The following GRIP1 variants were observed in gnomAD, a reference collection of about 807,000 sequenced individuals.
GRIP1 encodes the protein glutamate receptor interacting protein 1, also known as glutamate receptor-interacting protein 1.
Under a neutral mutation model 129.9 loss-of-function variants are expected in GRIP1, and 45 were observed. The observed-to-expected ratio is 0.35, with a 90% CI of 0.27 to 0.44. The LOEUF (loss-of-function observed/expected upper bound fraction) is 0.44. Ranked by LOEUF, GRIP1 falls within the 20% of genes least tolerant of loss-of-function variation. The pLI, the probability that GRIP1 is intolerant of heterozygous loss-of-function variation, is 1.00. For synonymous variants in GRIP1, 530 were observed against 520.8 expected (o/e 1.02, Z -0.24); for missense variants, 1,196 against 1,396.8 (o/e 0.86, Z 2.29).
At chr12:66,492,399 A>AT (rs547774592) in intron 7 of GRIP1, among the ~76,000 whole-genome samples, 14 of 152,158 alleles carry the variant, frequency 9.2e-5, no homozygotes, top group Admixed American at 5.2e-4. Context: ...ATGGGACTAG[A>AT]TTTTTTTTAA....
chr12:66,563,432 G>A (rs2062612259), intron 2 of GRIP1: 1 of 152,118 alleles, frequency 6.6e-6, no homozygotes, highest in Non-Finnish European at 1.5e-5. Flanking sequence ...GAGGAAAAAG[G>A]GAAGCTTTTC....
chr12:66,640,679 T>C (rs2031839451), intron 1 of GRIP1, among the ~76,000 whole-genome samples: 2 of 152,174 alleles, frequency 1.3e-5, no homozygotes, highest in Non-Finnish European at 1.5e-5. Context: ...ATAGCATTAC[T>C]GGGCCATTTT....
At chr12:67,021,961 A>C (rs375415200) in intron 1 of GRIP1, among the ~76,000 whole-genome samples, 6 of 152,274 alleles carry the variant, frequency 3.9e-5, no homozygotes, top group African/African-American at 1.2e-4. Context: ...AGACTCATCC[A>C]TGTTGCTGTG....
intron 1 of GRIP1, among the ~76,000 whole-genome samples, chr12:66,863,264 A>G (rs1158149875): frequency 2.6e-5 from 4 of 152,176 alleles, no homozygotes; most frequent in East Asian, 1.9e-4. Context: ...ATTAAAGCCA[A>G]CTATGTGTAA....
At chr12:67,013,940 G>T (rs1007087706) in intron 1 of GRIP1, among the ~76,000 whole-genome samples, 1 of 152,202 alleles carries the variant, frequency 6.6e-6, no homozygotes, top group Non-Finnish European at 1.5e-5. Context: ...GCAAGCTCAA[G>T]ATTTCTACTA....
intron 16 of GRIP1, among the ~76,000 whole-genome samples, chr12:66,405,318 G>A (rs1357566831): frequency 6.6e-6 from 1 of 152,100 alleles, no homozygotes; most frequent in African/African-American, 2.4e-5. Flanking sequence ...TGGCAAAATT[G>A]TAAATTAAAC....
At chr12:66,518,632 C>G (rs1389757022) in intron 5 of GRIP1, among the ~76,000 whole-genome samples, 2 of 151,984 alleles carry the variant, frequency 1.3e-5, no homozygotes, top group African/African-American at 4.8e-5. Flanking sequence ...AATCCATGAC[C>G]CTTTTGTACA....
intron 1 of GRIP1, among the ~76,000 whole-genome samples, chr12:66,874,574 C>A (rs944743766): frequency 6.6e-6 from 1 of 151,978 alleles, no homozygotes; most frequent in African/African-American, 2.4e-5. Context: ...GGGGAGGCCT[C>A]AGGAAACTTA....
At chr12:66,638,086 T>C (rs1565930955) in intron 1 of GRIP1, among the ~76,000 whole-genome samples, 1 of 152,196 alleles carries the variant, frequency 6.6e-6, no homozygotes, top group East Asian at 1.9e-4. Flanking sequence ...CTATACACAA[T>C]GATCAAGAAC....
At chr12:66,753,179 A>G (rs934474061) in intron 1 of GRIP1, among the ~76,000 whole-genome samples, 2 of 152,196 alleles carry the variant, frequency 1.3e-5, no homozygotes, top group East Asian at 3.8e-4. Flanking sequence ...TTCTCAATGT[A>G]AAATAATCTC....
chr12:66,830,993 T>G (rs916253011), intron 1 of GRIP1, among the ~76,000 whole-genome samples: 1 of 152,044 alleles, frequency 6.6e-6, no homozygotes, highest in Admixed American at 6.5e-5. Context: ...ACTACAAGCA[T>G]GTGCCACTAC....
upstream of GRIP1, among the ~76,000 whole-genome samples, chr12:66,684,123 G>A (rs554579842): frequency 2.6e-5 from 4 of 152,318 alleles, no homozygotes; most frequent in East Asian, 5.8e-4. Flanking sequence ...GCCTAGAACA[G>A]AGAGCAGTAA....
At chr12:67,023,028 T>C (rs2042891091) in intron 1 of GRIP1, among the ~76,000 whole-genome samples, 1 of 152,226 alleles carries the variant, frequency 6.6e-6, no homozygotes, top group Non-Finnish European at 1.5e-5. Flanking sequence ...TTACAGAGTT[T>C]TGAGAGTTCT....
intron 1 of GRIP1, among the ~76,000 whole-genome samples, chr12:66,627,142 A>C (rs1369131085): frequency 1.3e-5 from 2 of 152,128 alleles, no homozygotes; most frequent in Non-Finnish European, 2.9e-5. Flanking sequence ...GCTCACACTC[A>C]CTTTACAAAT....
At position 66,496,490 on chromosome 12, in the gene GRIP1, C is replaced by A. The variant is rs115512939; in HGVS notation, c.724+19129G>T. 5.3e-3 allele frequency among the ~76,000 whole-genome samples: 804 copies of A among 152,248 alleles called. 6 individuals are homozygous for A. Among genetic ancestry groups the A allele is most frequent in the African/African-American group, 0.018 (760 of 41,536 alleles). On this transcript the variant is annotated intron_variant, in intron 7 of 24. Coordinates refer to ENST00000359742, the MANE Select transcript of GRIP1 (RefSeq NM_001366722.1). The stretch of plus-strand genomic sequence containing the variant: ...AGGGCTGAACACAAGGTCATACAGG[C>A]CACTTTGTAGACTGACCCCAGTGCT...
intron 1 of GRIP1, among the ~76,000 whole-genome samples, chr12:67,033,275 A>G (rs1042784456): frequency 1.4e-5 from 2 of 146,016 alleles, no homozygotes; most frequent in Non-Finnish European, 3.0e-5. Context: ...CTACATGTAT[A>G]TATATATATA....
chr12:66,500,462 C>A lies in GRIP1; in HGVS notation c.724+15157G>T, dbSNP rs1400625166. On this transcript the variant is annotated intron_variant, in intron 7 of 24. Transcript: ENST00000359742. ...GGCTGGGTAGAGTCTTAGTGTTAGA[C>A]TAAAAATTGTGGTCTTTATTTTATA... Among the ~76,000 whole-genome samples the A allele has an allele frequency of 3.9e-5, 6 of 152,076 alleles. No individual in the cohort carries two copies. The East Asian group carries it at 1.2e-3, about 29-fold the overall frequency.
intron 4 of GRIP1, among the ~76,000 whole-genome samples, chr12:66,531,425 A>G (rs930597487): frequency 2.6e-5 from 4 of 151,664 alleles, no homozygotes; most frequent in African/African-American, 9.7e-5. Flanking sequence ...TTTAATTACA[A>G]TTATTTTTAA....
At chr12:66,493,402 T>G (rs909725920) in intron 7 of GRIP1, among the ~76,000 whole-genome samples, 4 of 152,210 alleles carry the variant, frequency 2.6e-5, no homozygotes, top group Non-Finnish European at 4.4e-5. Flanking sequence ...GAACTGTATA[T>G]GCCTTCAGGA....
Sources: gnomAD v4.1 joint callset for allele counts (sites outside exome capture counted in the v4.1 genomes callset) on GRCh38, gnomAD v4.1.1 for gene constraint, MANE v1.5 for transcripts, NCBI Gene and HGNC (gene_info 2026-07-23, HGNC 2026-07-21) for gene names.